MAPK4: variants seen among roughly 807,000 people sequenced by gnomAD.
MAPK4 encodes the protein Erk3-related.
MAPK4 carries 22 observed loss-of-function variants against 47.7 expected under a neutral mutation model. The ratio of observed to expected loss-of-function variants is 0.46; its 90% confidence interval spans 0.33 to 0.66. The LOEUF is 0.66. MAPK4 is among the 30% of genes least tolerant of loss of function. MAPK4 has a pLI of 0.02. For synonymous variants in MAPK4, 390 were observed against 365.7 expected (o/e 1.07, Z -0.76); for missense variants, 736 against 831.7 (o/e 0.88, Z 1.42).
rs564272512 is a variant in MAPK4, at chr18:50,651,099, CCT to C, written c.-870-11989_-870-11988del. 6.2e-4 allele frequency among the ~76,000 whole-genome samples: 94 copies of C among 152,346 alleles called. 1 individual carries two copies. The South Asian group carries it at 0.013, about 20-fold the overall frequency. On this transcript the variant is annotated intron_variant, in intron 1 of 5. Coordinates refer to ENST00000400384, the MANE Select transcript of MAPK4 (RefSeq NM_002747.4). The stretch of plus-strand genomic sequence containing the variant: ...CTAATGCCTGAAGGCTGGATGGTCA[CCT>C]TTTTCAGCATGAAATCAAACCAGCA...
At chr18:50,709,840 C>T (rs1302160140) in intron 2 of MAPK4, among the ~76,000 whole-genome samples, 1 of 152,214 alleles carries the variant, frequency 6.6e-6, no homozygotes, top group East Asian at 1.9e-4. Flanking sequence ...GTAAGTCCCA[C>T]AGAAATGTTG....
intron 1 of MAPK4, among the ~76,000 whole-genome samples, chr18:50,579,706 AG>A (rs1411158568): frequency 3.9e-5 from 6 of 152,188 alleles, no homozygotes; most frequent in Non-Finnish European, 7.3e-5. Context: ...GAAGTCTCCC[AG>A]GTACCCTCAG....
Position 50,729,490 on chromosome 18 carries a change from C to G in MAPK4, c.1400C>G (p.Ala467Gly). The change falls in exon 6 of 6, where the codon GCC becomes GGC. Residue 467 changes from alanine to glycine, a missense_variant. Ala to Gly is a moderately conservative substitution (Grantham distance 60). Around this residue, in one of 3 missense-constraint regions of MAPK4, gnomAD observed 377 missense variants for 378.6 expected, o/e 1.00. Transcript: ENST00000400384. ...GACCTGTCGCACTGGAAGCAGGCGGCCGGCGCGCCCCCCACGGCCACGGGG... is the reference window on the plus strand; with the variant it reads ...GACCTGTCGCACTGGAAGCAGGCGGGCGGCGCGCCCCCCACGGCCACGGGG... Reference protein sequence around the residue: ...ILDLSHWKQAAGAPPTATGLA... With the variant: ...ILDLSHWKQAGGAPPTATGLA... 4.1e-6 allele frequency: 6 copies of G among 1,462,468 alleles called. No individual in the cohort carries two copies. The highest frequency in any genetic ancestry group is 5.4e-6 in the Non-Finnish European group (6 of 1,103,266). The allele number at this position is 1,462,468 out of a possible 1,614,324, so 90.6% of individuals were successfully genotyped here. A position where few individuals can be genotyped will look rare whatever the true frequency, so the allele number is the denominator to read the frequency against.
At chr18:50,658,257 G>A (rs1299445802) in intron 1 of MAPK4, among the ~76,000 whole-genome samples, 2 of 152,202 alleles carry the variant, frequency 1.3e-5, no homozygotes, top group African/African-American at 4.8e-5. Context: ...CATACCACAA[G>A]GTGTGCCTAC....
At chr18:50,619,713 T>G (rs1255641886) in intron 1 of MAPK4, among the ~76,000 whole-genome samples, 1 of 152,240 alleles carries the variant, frequency 6.6e-6, no homozygotes, top group Non-Finnish European at 1.5e-5. Flanking sequence ...GTCTTTTCAG[T>G]AAGACTTTCT....
chr18:50,606,333 G>C (rs58106934), intron 1 of MAPK4, among the ~76,000 whole-genome samples: 31,227 of 151,714 alleles, frequency 0.21, 3,299 homozygotes, highest in East Asian at 0.38. Flanking sequence ...TTGGGATTTT[G>C]TCTTTAATAC....
At chr18:50,624,256 G>T (rs2042757123) in intron 1 of MAPK4, among the ~76,000 whole-genome samples, 2 of 152,290 alleles carry the variant, frequency 1.3e-5, no homozygotes, top group African/African-American at 4.8e-5. Context: ...ATGAGTATAT[G>T]GGCTTTGTAT....
chr18:50,651,138 T>C (rs991104152), intron 1 of MAPK4, among the ~76,000 whole-genome samples: 5 of 152,200 alleles, frequency 3.3e-5, no homozygotes, highest in African/African-American at 1.2e-4. Context: ...GGAACGCAGG[T>C]GCTGCTGGGG....
At chr18:50,626,148 A>G (rs2042776220) in intron 1 of MAPK4, among the ~76,000 whole-genome samples, 1 of 152,178 alleles carries the variant, frequency 6.6e-6, no homozygotes, top group Non-Finnish European at 1.5e-5. Context: ...CACCCACATT[A>G]TGAAGGGTCA....
At chr18:50,719,184 G>A (rs905703732) in intron 3 of MAPK4, among the ~76,000 whole-genome samples, 12 of 151,928 alleles carry the variant, frequency 7.9e-5, no homozygotes, top group African/African-American at 2.7e-4. Flanking sequence ...GAGTACAAAC[G>A]TCTTCATTTG....
In MAPK4 at chr18:50,678,409, A is replaced by G. The variant is rs1216570286; in HGVS notation, c.546+13905A>G. On this transcript the variant is annotated intron_variant, in intron 2 of 5. Transcript: ENST00000400384. The surrounding 1 kb of genome is among the most constrained non-coding windows in gnomAD (Gnocchi z 4.2). ...TATTCAAGATATTTAACAACTGGTA[A>G]GCTTTGGGACCAACCAATCTGAACA... is the stretch of plus-strand genomic sequence containing the variant. 6.6e-6 allele frequency among the ~76,000 whole-genome samples: 1 copy of G among 152,198 alleles called. No individual in the cohort carries two copies.
At position 50,730,018 on chromosome 18, in the gene MAPK4, T is replaced by C; in HGVS notation, c.*164T>C. ...GGAATGTCCATTTCTTAAACTGCCTTAATAACTAGCCTTTAACCTGTGGGA... is the reference window on the plus strand; with the variant it reads ...GGAATGTCCATTTCTTAAACTGCCTCAATAACTAGCCTTTAACCTGTGGGA... On this transcript the variant is annotated 3_prime_UTR_variant, in exon 6 of 6. Transcript: ENST00000400384. 1 of 698,236 alleles carries C rather than the reference T, an allele frequency of 1.4e-6. No individual in the cohort carries two copies. The highest frequency in any genetic ancestry group is 2.6e-5 in the South Asian group (1 of 39,206). The allele number at this position is 698,236 out of a possible 1,614,324, so 43.3% of individuals were successfully genotyped here. A position where few individuals can be genotyped will look rare whatever the true frequency, so the allele number is the denominator to read the frequency against.
chr18:50,696,354 A>G (rs778614017), intron 2 of MAPK4, among the ~76,000 whole-genome samples: 5 of 152,244 alleles, frequency 3.3e-5, no homozygotes, highest in Non-Finnish European at 7.3e-5. Context: ...GGGGAACTGT[A>G]ACAGCATCAG....
At chr18:50,563,438 A>G (rs1417921528) in intron 1 of MAPK4, among the ~76,000 whole-genome samples, 1 of 152,174 alleles carries the variant, frequency 6.6e-6, no homozygotes, top group African/African-American at 2.4e-5. Context: ...TTACTGTGTC[A>G]AGGACTAGGC....
At chr18:50,643,885 TCTTTG>T (rs2042964085) in intron 1 of MAPK4, among the ~76,000 whole-genome samples, 1 of 152,174 alleles carries the variant, frequency 6.6e-6, no homozygotes, top group African/African-American at 2.4e-5. Context: ...ACAATTGAAT[TCTTTG>T]CCTTTCAGAA....
intron 2 of MAPK4, among the ~76,000 whole-genome samples, chr18:50,665,165 A>G (rs1431355371): frequency 6.6e-6 from 1 of 152,222 alleles, no homozygotes. Flanking sequence ...ATGCTCCACC[A>G]ACTGCAGGGA....
intron 1 of MAPK4, among the ~76,000 whole-genome samples, chr18:50,585,670 G>A (rs186718205): frequency 2.6e-5 from 4 of 152,286 alleles, no homozygotes; most frequent in Admixed American, 1.3e-4. Context: ...GGCTTGGTAA[G>A]TAGATATATT....
chr18:50,697,711 G>A (rs529040719), intron 2 of MAPK4, among the ~76,000 whole-genome samples: 1 of 152,272 alleles, frequency 6.6e-6, no homozygotes, highest in African/African-American at 2.4e-5. Context: ...GGGAAGGTAG[G>A]AAGCCGAATA....
upstream of MAPK4, among the ~76,000 whole-genome samples, chr18:50,559,864 C>G (rs1020253073): frequency 5.3e-5 from 8 of 150,970 alleles, no homozygotes; most frequent in African/African-American, 1.9e-4. Context: ...CTCCGCGGGA[C>G]TGGGTCCGGG....
Sources: gnomAD v4.1 joint callset for allele counts (sites outside exome capture counted in the v4.1 genomes callset) on GRCh38, gnomAD v4.1.1 for gene constraint, gnomAD v4.1.1 regional missense constraint, Gnocchi (gnomAD v3.1) non-coding constraint, MANE v1.5 for transcripts, NCBI Gene and HGNC (gene_info 2026-07-23, HGNC 2026-07-21) for gene names.